DERA: variants seen among roughly 807,000 people sequenced by gnomAD.
DERA encodes deoxyribose-phosphate aldolase.
A neutral mutation model predicts 41.1 loss-of-function variants in DERA; 15 were observed. That is an observed-to-expected ratio of 0.37 (90% CI 0.24 to 0.56). The LOEUF (loss-of-function observed/expected upper bound fraction) is 0.56, where lower values mean the gene tolerates loss of function less well. DERA is among the 20% of genes least tolerant of loss of function. DERA has a pLI of 0.81. For missense variants in DERA, 396 were observed against 403.4 expected (o/e 0.98, Z 0.16); for synonymous variants, 139 against 137.4 (o/e 1.01, Z -0.08).
At chr12:15,987,417 A>G (rs1240373528) in intron 6 of DERA, among the ~76,000 whole-genome samples, 1 of 151,574 alleles carries the variant, frequency 6.6e-6, no homozygotes, top group African/African-American at 2.4e-5. Flanking sequence ...TTGTATTTTT[A>G]GTAGAGACAG....
intron 6 of DERA, among the ~76,000 whole-genome samples, chr12:16,023,766 C>T (rs533150911): frequency 3.5e-4 from 54 of 152,196 alleles, no homozygotes; most frequent in African/African-American, 9.6e-4. Flanking sequence ...CGTGAGCCAC[C>T]GCGCCCGGCC....
At chr12:16,030,089 ATTT>A (rs71051276) in intron 6 of DERA, among the ~76,000 whole-genome samples, 245 of 139,146 alleles carry the variant, frequency 1.8e-3, no homozygotes, top group Admixed American at 2.0e-3. Flanking sequence ...TGCCCGGCTA[ATTT>A]TTTTTTTTTT....
chr12:15,933,347 T>A (rs925347586), intron 1 of DERA, among the ~76,000 whole-genome samples: 3 of 152,226 alleles, frequency 2.0e-5, no homozygotes, highest in East Asian at 3.8e-4. Flanking sequence ...TATCTGTTTC[T>A]GGAATTCCTA....
Position 16,008,079 on chromosome 12 carries a change from G to A in DERA, c.638-24463G>A, listed in dbSNP as rs1386732953. On this transcript the variant is annotated intron_variant, in intron 6 of 8. Coordinates refer to ENST00000428559, the MANE Select transcript of DERA (RefSeq NM_015954.4). This position sits in a 1 kb window ranked among gnomAD's most constrained non-coding sequence, Gnocchi z 4.8. ...TGTTGGCCTGGCTGGTCTTGAACTC[G>A]TGGCCTCAGGTGATCTGCCTGCCTT... 1.3e-5 allele frequency among the ~76,000 whole-genome samples: 2 copies of A among 152,168 alleles called. No individual in the cohort carries two copies. Among genetic ancestry groups the A allele is most frequent in the African/African-American group, 4.8e-5 (2 of 41,540 alleles).
rs73303359 is a variant in DERA, at chr12:15,918,810, A to G, written c.31+7396A>G. Among the ~76,000 whole-genome samples, 15,940 of 152,158 alleles carry G rather than the reference A, an allele frequency of 0.1. 2,758 individuals are homozygous for G. The highest frequency in any genetic ancestry group is 0.36 in the African/African-American group (14,844 of 41,436). ...GAAGGATAAAGACGAATTCACAGAC[A>G]GTCCAGGGAGGGTTTTTTTGGAGAG... On this transcript the variant is annotated intron_variant, in intron 1 of 8. Transcript: ENST00000428559. The surrounding 1 kb of genome is among the most constrained non-coding windows in gnomAD (Gnocchi z 4.3).
chr12:15,984,470 TAGTATG>T lies in DERA; in HGVS notation c.637+2039_637+2044del, dbSNP rs1454607337. Among the ~76,000 whole-genome samples, 1 of 152,198 alleles carries T rather than the reference TAGTATG, an allele frequency of 6.6e-6. No individual in the cohort carries two copies. Among genetic ancestry groups the T allele is most frequent in the Non-Finnish European group, 1.5e-5 (1 of 68,040 alleles). On this transcript the variant is annotated intron_variant, in intron 6 of 8. Transcript: ENST00000428559. This position sits in a 1 kb window ranked among gnomAD's most constrained non-coding sequence, Gnocchi z 4.5. ...ATTTAAGCAGTGTTTGTTGAGCACTTAGTATGAGTAATAAAACCGTATTCATGGTGT... is the reference window on the plus strand; with the variant it reads ...ATTTAAGCAGTGTTTGTTGAGCACTTAGTAATAAAACCGTATTCATGGTGT...
In DERA at chr12:15,936,865, C is replaced by CTTGTG. The variant is rs1565588545; in HGVS notation, c.32-20067_32-20066insGTTGT. ...TCTGTCTTGTGTTGTCTTGTCTTGT[C>CTTGTG]TTGTCTTGTCTTGTCTTGTCTTGTC... is the stretch of plus-strand genomic sequence containing the variant. On this transcript the variant is annotated intron_variant, in intron 1 of 8. Transcript: ENST00000428559. The surrounding 1 kb of genome is among the most constrained non-coding windows in gnomAD (Gnocchi z 4.6). 1.5e-5 allele frequency among the ~76,000 whole-genome samples: 2 copies of CTTGTG among 135,272 alleles called. No individual in the cohort carries two copies. The highest frequency in any genetic ancestry group is 3.1e-5 in the Non-Finnish European group (2 of 64,436). The allele number at this position is 135,272 out of a possible 152,430, so 88.7% of individuals were successfully genotyped here. A position where few individuals can be genotyped will look rare whatever the true frequency, so the allele number is the denominator to read the frequency against.
At chr12:16,022,346 T>C (rs894137250) in intron 6 of DERA, among the ~76,000 whole-genome samples, 1 of 152,242 alleles carries the variant, frequency 6.6e-6, no homozygotes, top group Admixed American at 6.5e-5. Context: ...GAGCCAATCC[T>C]GATACAACAC....
At chr12:15,991,822 A>G (rs1466974191) in intron 6 of DERA, among the ~76,000 whole-genome samples, 1 of 152,116 alleles carries the variant, frequency 6.6e-6, no homozygotes, top group Non-Finnish European at 1.5e-5. Flanking sequence ...CTATATGGTC[A>G]TTATTGATGT....
chr12:15,938,010 C>A lies in DERA; in HGVS notation c.32-18926C>A, dbSNP rs1231245448. Among the ~76,000 whole-genome samples the A allele has an allele frequency of 6.6e-6, 1 of 152,148 alleles. No individual in the cohort carries two copies. Among genetic ancestry groups the A allele is most frequent in the Non-Finnish European group, 1.5e-5 (1 of 68,024 alleles). ...TGAGGAAGCTCTAATATCTTGTTGG[C>A]AACATCCAAGTAAATAATTCAACTA... On this transcript the variant is annotated intron_variant, in intron 1 of 8. Transcript: ENST00000428559. This position sits in a 1 kb window ranked among gnomAD's most constrained non-coding sequence, Gnocchi z 4.1.
Position 15,982,252 on chromosome 12 carries a change from C to T in DERA, c.509-56C>T. 3 of 1,560,162 alleles carry T rather than the reference C, an allele frequency of 1.9e-6. No homozygotes were observed. The East Asian group carries it at 6.8e-5, about 36-fold the overall frequency. On this transcript the variant is annotated intron_variant, in intron 5 of 8. Coordinates refer to ENST00000428559, the MANE Select transcript of DERA (RefSeq NM_015954.4). The surrounding 1 kb of genome is among the most constrained non-coding windows in gnomAD (Gnocchi z 4.0). ...GGTTCCACCAGCTCTAAACGGCTGC[C>T]AAGTTATGTTATCACTTGCCTGCTT...
Position 15,957,995 on chromosome 12 carries a change from G to C in DERA, c.130-193G>C, listed in dbSNP as rs893820228. On this transcript the variant is annotated intron_variant, in intron 2 of 8. Coordinates refer to ENST00000428559, the MANE Select transcript of DERA (RefSeq NM_015954.4). The surrounding 1 kb of genome is among the most constrained non-coding windows in gnomAD (Gnocchi z 4.8). ...GCCTACTCTTCCTCCCTTTTATTTTGGGCAGTGTTCACCTTGTTAGTGGCT... is the reference window on the plus strand; with the variant it reads ...GCCTACTCTTCCTCCCTTTTATTTTCGGCAGTGTTCACCTTGTTAGTGGCT... 6.6e-6 allele frequency among the ~76,000 whole-genome samples: 1 copy of C among 152,082 alleles called. No individual in the cohort carries two copies. Among genetic ancestry groups the C allele is most frequent in the African/African-American group, 2.4e-5 (1 of 41,408 alleles).
At position 16,014,513 on chromosome 12, in the gene DERA, A is replaced by C. The variant is rs909007048; in HGVS notation, c.638-18029A>C. Among the ~76,000 whole-genome samples the C allele has an allele frequency of 2.0e-5, 3 of 152,238 alleles. No individual in the cohort carries two copies. The highest frequency in any genetic ancestry group is 2.9e-5 in the Non-Finnish European group (2 of 68,036). ...TCCTGCAGGTGCACAGAAGTCAAGA[A>C]TTGAGGTTTGGAAACCACCACCTAG... On this transcript the variant is annotated intron_variant, in intron 6 of 8. Coordinates refer to ENST00000428559, the MANE Select transcript of DERA (RefSeq NM_015954.4). The surrounding 1 kb of genome is among the most constrained non-coding windows in gnomAD (Gnocchi z 5.4).
chr12:15,936,896 C>T lies in DERA; in HGVS notation c.32-20040C>T, dbSNP rs12298893. Among the ~76,000 whole-genome samples the T allele has an allele frequency of 0.23, 31,955 of 136,572 alleles. 3,920 individuals carry two copies. The highest frequency in any genetic ancestry group is 0.34 in the Admixed American group (4,939 of 14,342). The allele number at this position is 136,572 out of a possible 152,430, so 89.6% of individuals were successfully genotyped here. A position where few individuals can be genotyped will look rare whatever the true frequency, so the allele number is the denominator to read the frequency against. The stretch of plus-strand genomic sequence containing the variant: ...TTGTCTTGTCTTGTCTTGTCCTGTC[C>T]TGTCCTGTCCTGTCCTGTCCTGTCC... On this transcript the variant is annotated intron_variant, in intron 1 of 8. Coordinates refer to ENST00000428559, the MANE Select transcript of DERA (RefSeq NM_015954.4). This position sits in a 1 kb window ranked among gnomAD's most constrained non-coding sequence, Gnocchi z 4.6.
chr12:15,937,468 G>A (rs947296119), intron 1 of DERA, among the ~76,000 whole-genome samples: 1 of 152,160 alleles, frequency 6.6e-6, no homozygotes, highest in Non-Finnish European at 1.5e-5. Flanking sequence ...TATAGTTCCA[G>A]TTTCCCGCTT....
At chr12:16,024,764 A>G (rs1167633723) in intron 6 of DERA, among the ~76,000 whole-genome samples, 1 of 152,146 alleles carries the variant, frequency 6.6e-6, no homozygotes, top group East Asian at 1.9e-4. Context: ...AGAAGCTTTG[A>G]TCTGCATTTA....
In DERA at chr12:15,959,902, C is replaced by G; in HGVS notation, c.351C>G (p.Gly117=). 1 of 1,548,038 alleles carries G rather than the reference C, an allele frequency of 6.5e-7. No individual in the cohort carries two copies. The highest frequency in any genetic ancestry group is 8.7e-7 in the Non-Finnish European group (1 of 1,143,774). ...CTGTAAAAGCACTCAAGGCTGCAGGCTGTAATATCCCTGTGGCATCAGGTA... is the reference window on the plus strand; with the variant it reads ...CTGTAAAAGCACTCAAGGCTGCAGGGTGTAATATCCCTGTGGCATCAGGTA... The part of the protein sequence containing the change: ...CDAVKALKAA[G]CNIPVASVAA... Residue 117 remains glycine, a synonymous_variant, in exon 4 of 9, where the codon GGC becomes GGG. Coordinates refer to ENST00000428559, the MANE Select transcript of DERA (RefSeq NM_015954.4). This position sits in a 1 kb window ranked among gnomAD's most constrained non-coding sequence, Gnocchi z 4.5.
chr12:15,976,771 G>C lies in DERA; in HGVS notation c.509-5537G>C, dbSNP rs1435534689. 6.6e-6 allele frequency among the ~76,000 whole-genome samples: 1 copy of C among 152,158 alleles called. No homozygotes were observed. The highest frequency in any genetic ancestry group is 2.4e-5 in the African/African-American group (1 of 41,426). ...TTGGCAGAATTTGAGAAGGGTTTGA[G>C]CTGTAAAAATAAAGCTCTCCTATCT... is the stretch of plus-strand genomic sequence containing the variant. On this transcript the variant is annotated intron_variant, in intron 5 of 8. Transcript: ENST00000428559. This position sits in a 1 kb window ranked among gnomAD's most constrained non-coding sequence, Gnocchi z 4.1.
rs890796538 is a variant in DERA, at chr12:15,999,924, A to G, written c.637+17488A>G. On this transcript the variant is annotated intron_variant, in intron 6 of 8. Transcript: ENST00000428559. This position sits in a 1 kb window ranked among gnomAD's most constrained non-coding sequence, Gnocchi z 5.3. The stretch of plus-strand genomic sequence containing the variant: ...ATTTTAGGGACATAACCTTTGGGCA[A>G]TGTGTTTAGGCTGGAGACAGGAAGG... Among the ~76,000 whole-genome samples the G allele has an allele frequency of 3.3e-5, 5 of 152,276 alleles. No individual in the cohort carries two copies. The highest frequency in any genetic ancestry group is 2.1e-4 in the South Asian group (1 of 4,820).
Sources: allele counts gnomAD v4.1 joint callset (sites outside exome capture counted in the v4.1 genomes callset), GRCh38; gene constraint gnomAD v4.1.1; non-coding constraint Gnocchi (gnomAD v3.1); transcripts MANE v1.5; gene names NCBI Gene and HGNC (gene_info 2026-07-23, HGNC 2026-07-21).